The following DMXL1 variants were observed in gnomAD, a reference collection of about 807,000 sequenced individuals.
DMXL1 encodes dmX-like protein 1.
A neutral mutation model predicts 319.2 loss-of-function variants in DMXL1; 99 were observed. The observed-to-expected ratio is 0.31, with a 90% confidence interval of 0.26 to 0.37. DMXL1 has a LOEUF of 0.37. Ranked by LOEUF, DMXL1 falls within the 10% of genes least tolerant of loss-of-function variation. The probability of loss-of-function intolerance (pLI) is 1.00; values close to 1 mark genes in which losing one functional copy is unlikely to be tolerated. For synonymous variants in DMXL1, 1,385 were observed against 1,235.2 expected (o/e 1.12, Z -2.54); for missense variants, 3,745 against 3,595.6 (o/e 1.04, Z -1.06).
At chr5:119,134,805 ATTG>A (rs1223486643) in intron 13 of DMXL1, among the ~76,000 whole-genome samples, 1 of 152,346 alleles carries the variant, frequency 6.6e-6, no homozygotes, top group East Asian at 1.9e-4. Flanking sequence ...TTCTTTCAGT[ATTG>A]TTGTAAGGCT....
In DMXL1 at chr5:119,135,425, A is replaced by G. The variant is rs183582809; in HGVS notation, c.2376+1036A>G. Among the ~76,000 whole-genome samples, 99 of 152,092 alleles carry G rather than the reference A, an allele frequency of 6.5e-4. 1 individual carries two copies. In the South Asian group the frequency reaches 0.014, roughly 22 times the overall value. On this transcript the variant is annotated intron_variant, in intron 13 of 43. Transcript: ENST00000539542. ...TACTATTTGATTAAAGATCTGAAGGAGATGTGGGAACTAGATACGTAGATA... is the reference window on the plus strand; with the variant it reads ...TACTATTTGATTAAAGATCTGAAGGGGATGTGGGAACTAGATACGTAGATA...
chr5:119,139,838 C>T (rs977718411), intron 13 of DMXL1, among the ~76,000 whole-genome samples: 3 of 152,154 alleles, frequency 2.0e-5, no homozygotes, highest in South Asian at 2.1e-4. Flanking sequence ...CTCATTGCCA[C>T]GTCACATACT....
Position 119,164,489 on chromosome 5 carries a change from T to C in DMXL1, c.4703-18T>C. 1.9e-6 allele frequency: 3 copies of C among 1,603,222 alleles called. No homozygotes were observed. Among genetic ancestry groups the C allele is most frequent in the Non-Finnish European group, 2.6e-6 (3 of 1,172,370 alleles). On this transcript the variant is annotated intron_variant, in intron 19 of 43. Coordinates refer to ENST00000539542, the MANE Select transcript of DMXL1 (RefSeq NM_001290321.3). ...ATATTTATAATTCTTATAAACATCA[T>C]TTTTTACATTTCTTCAGGCCTGTCT...
At chr5:119,092,172 C>T (rs1337547366) in intron 1 of DMXL1, among the ~76,000 whole-genome samples, 1 of 152,052 alleles carries the variant, frequency 6.6e-6, no homozygotes, top group Non-Finnish European at 1.5e-5. Context: ...TTTTTTCATT[C>T]CTGTGGCCCC....
Position 119,247,140 on chromosome 5 carries a change from C to G in DMXL1, c.9068C>G (p.Thr3023Arg). ...NHIFSCGADG[T>R]MKMRILPDQF... ...ATTTTCTCCTGTGGAGCTGATGGAA[C>G]AATGAAAATGAGAATACTGCCAGAT... The change falls in exon 44 of 44, where the codon ACA (threonine) becomes AGA (arginine). Residue 3023 changes from threonine (T) to arginine (R), a missense_variant. Thr to Arg is a moderately conservative substitution (Grantham distance 71, BLOSUM62 -1). Around this residue, in one of 4 missense-constraint regions of DMXL1, gnomAD observed 262 missense variants for 320.5 expected, o/e 0.82. Transcript: ENST00000539542. The G allele has an allele frequency of 6.2e-7, 1 of 1,614,004 alleles. No individual in the cohort carries two copies. Among genetic ancestry groups the G allele is most frequent in the Non-Finnish European group, 8.5e-7 (1 of 1,179,948 alleles).
intron 3 of DMXL1, among the ~76,000 whole-genome samples, chr5:119,103,504 A>T (rs555762716): frequency 2.0e-5 from 3 of 152,228 alleles, no homozygotes; most frequent in Admixed American, 2.0e-4. Flanking sequence ...CACAGAACTA[A>T]GAGTAAAACC....
chr5:119,220,649 A>T (rs1189048144), intron 36 of DMXL1, 56 bp downstream of exon 36: 1 of 1,580,848 alleles, frequency 6.3e-7, no homozygotes, highest in African/African-American at 1.4e-5. Flanking sequence ...GACTATATTT[A>T]CTGAACTAAA....
At position 119,076,778 on chromosome 5, in the gene DMXL1, T is replaced by G. The variant is rs1003602775; in HGVS notation, c.87+5122T>G. On this transcript the variant is annotated intron_variant, in intron 1 of 43. Transcript: ENST00000539542. Reference sequence around the variant, plus strand: ...ATACTGACTGTTACAGCCTTGAATTTTATTGAAATTTAGAATATTTGAGAA... The same window carrying G: ...ATACTGACTGTTACAGCCTTGAATTGTATTGAAATTTAGAATATTTGAGAA... Among the ~76,000 whole-genome samples, 4 of 152,212 alleles carry G rather than the reference T, an allele frequency of 2.6e-5. No homozygotes were observed. The East Asian group carries it at 7.7e-4, about 29-fold the overall frequency.
At chr5:119,185,220 C>T (rs568018832) in intron 28 of DMXL1, among the ~76,000 whole-genome samples, 2 of 151,984 alleles carry the variant, frequency 1.3e-5, no homozygotes, top group African/African-American at 2.4e-5. Context: ...TTCCCTTCTC[C>T]TTCTGCCCTT....
chr5:119,174,107 A>G (rs1775305459), intron 25 of DMXL1, among the ~76,000 whole-genome samples: 1 of 151,978 alleles, frequency 6.6e-6, no homozygotes, highest in Non-Finnish European at 1.5e-5. Context: ...AGTTGAGTCT[A>G]CTCACATTAC....
intron 19 of DMXL1, among the ~76,000 whole-genome samples, chr5:119,156,152 T>A (rs972346742): frequency 5.9e-5 from 9 of 152,210 alleles, no homozygotes; most frequent in African/African-American, 2.2e-4. Context: ...GCTATAGCCA[T>A]CCCAGCCTTC....
chr5:119,117,065 G>C (rs1193951113), intron 7 of DMXL1, among the ~76,000 whole-genome samples: 1 of 152,056 alleles, frequency 6.6e-6, no homozygotes, highest in African/African-American at 2.4e-5. Context: ...GTCTTGCTTT[G>C]TCACCCAGAC....
At chr5:119,124,992 G>T (rs1186551863) in intron 9 of DMXL1, among the ~76,000 whole-genome samples, 1 of 152,152 alleles carries the variant, frequency 6.6e-6, no homozygotes, top group Non-Finnish European at 1.5e-5. Flanking sequence ...ATTTTTCACT[G>T]TTAAACATTT....
intron 1 of DMXL1, among the ~76,000 whole-genome samples, chr5:119,090,238 C>G (rs1037255808): frequency 6.6e-6 from 1 of 151,434 alleles, no homozygotes; most frequent in African/African-American, 2.4e-5. Flanking sequence ...CCAGGCTAGT[C>G]TGGAACTCCG....
chr5:119,203,989 A>AT, intron 33 of DMXL1, among the ~76,000 whole-genome samples: 1 of 151,436 alleles, frequency 6.6e-6, no homozygotes, highest in Non-Finnish European at 1.5e-5. Context: ...CGCCCAACTA[A>AT]TTTTTTGTAT....
intron 1 of DMXL1, among the ~76,000 whole-genome samples, chr5:119,075,203 A>T (rs1750541533): frequency 6.6e-6 from 1 of 151,686 alleles, no homozygotes; most frequent in Non-Finnish European, 1.5e-5. Context: ...TTTAGATTTG[A>T]GTCCAAATAA....
At chr5:119,101,592 A>G (rs1018777824) in intron 2 of DMXL1, among the ~76,000 whole-genome samples, 2 of 152,246 alleles carry the variant, frequency 1.3e-5, no homozygotes, top group Non-Finnish European at 2.9e-5. Flanking sequence ...GATGACGACA[A>G]TTAACATTTA....
At chr5:119,072,558 C>T (rs986877081) in intron 1 of DMXL1, among the ~76,000 whole-genome samples, 3 of 151,956 alleles carry the variant, frequency 2.0e-5, no homozygotes, top group African/African-American at 4.8e-5. Context: ...AAAAGTAAAA[C>T]TTAATTTTGT....
chr5:119,095,526 T>C (rs1424283225), intron 1 of DMXL1, among the ~76,000 whole-genome samples: 13 of 152,238 alleles, frequency 8.5e-5, no homozygotes, highest in Admixed American at 8.5e-4. Context: ...ATTAGGTAGA[T>C]AATTTCAGGT....
Sources: allele counts gnomAD v4.1 joint callset (sites outside exome capture counted in the v4.1 genomes callset), GRCh38; gene constraint gnomAD v4.1.1; regional missense constraint gnomAD v4.1.1; transcripts MANE v1.5; gene names NCBI Gene and HGNC (gene_info 2026-07-23, HGNC 2026-07-21).